Variants in LIPJ observed in about 807,000 individuals in gnomAD.
LIPJ encodes lipase member J.
LIPJ carries 33 observed loss-of-function variants against 39.8 expected under a neutral mutation model. The ratio of observed to expected loss-of-function variants is 0.83; its 90% CI spans 0.63 to 1.11. LIPJ has a LOEUF of 1.11. LIPJ is among the 50% of genes least tolerant of loss of function. The pLI, the probability that LIPJ is intolerant of heterozygous loss-of-function variation, is 0.00. For synonymous variants in LIPJ, 128 were observed against 139.2 expected, an observed-to-expected ratio of 0.92 and a Z score of 0.57; for missense variants, 422 against 427.9, an observed-to-expected ratio of 0.99 and a Z score of 0.12.
At chr10:88,596,731 C>A in intron 7 of LIPJ, 59 bp from the exon 8 acceptor site, 1 of 1,368,904 alleles carries the variant, frequency 7.3e-7, no homozygotes, top group Non-Finnish European at 1.0e-6. Context: ...ATTACCACAA[C>A]ATTTCTTTAG....
At chr10:88,598,769 T>C (rs1047644082) in intron 8 of LIPJ, among the ~76,000 whole-genome samples, 2 of 151,762 alleles carry the variant, frequency 1.3e-5, no homozygotes, top group Admixed American at 1.3e-4. Flanking sequence ...TAAACAGTAG[T>C]GACCCATGAT....
Position 88,591,428 on chromosome 10 carries a change from A to T in LIPJ, c.60A>T (p.Val20=), listed in dbSNP as rs759343258. 65 of 1,602,852 alleles carry T rather than the reference A, an allele frequency of 4.1e-5. No individual in the cohort carries two copies. The Admixed American group carries it at 9.9e-4, about 24-fold the overall frequency. Residue 20 remains valine (V), a synonymous_variant, in exon 4 of 11, where the codon GTA becomes GTT. Coordinates refer to ENST00000371939, the Ensembl canonical transcript of LIPJ. Reference sequence around the variant, plus strand: ...ACCCTGATGAAGAATATGATATTGTAACCGAAGATGGTTATATCCTTGGCC... The same window carrying T: ...ACCCTGATGAAGAATATGATATTGTTACCGAAGATGGTTATATCCTTGGCC...
chr10:88,596,341 A>G, exon 7 of LIPJ: 1 of 1,559,580 alleles, frequency 6.4e-7, no homozygotes, highest in East Asian at 2.3e-5. Flanking sequence ...TTTTTGCTTT[A>G]GCACCAGTTT....
chr10:88,622,500 T>A, the LIPJ span, among the ~76,000 whole-genome samples: 1 of 152,184 alleles, frequency 6.6e-6, no homozygotes, highest in Non-Finnish European at 1.5e-5. Flanking sequence ...CCAGGCTCCA[T>A]CCCCAAAATA....
intron 2 of LIPJ, among the ~76,000 whole-genome samples, chr10:88,589,559 G>C (rs1201745443): frequency 6.6e-6 from 1 of 151,692 alleles, no homozygotes; most frequent in East Asian, 1.9e-4. Context: ...CAGTTAGAAA[G>C]TGTTTTTTTA....
Position 88,596,920 on chromosome 10 carries a change from CA to C in LIPJ, c.713del (p.Asn238ThrfsTer2). 2.6e-6 allele frequency: 4 copies of C among 1,529,328 alleles called. No individual in the cohort carries two copies. Among genetic ancestry groups the C allele is most frequent in the Non-Finnish European group, 3.6e-6 (4 of 1,122,308 alleles). 94.7% of individuals were successfully genotyped at this position (1,529,328 alleles called of 1,614,324 possible). A position where few individuals can be genotyped will look rare whatever the true frequency, so the allele number is the denominator to read the frequency against. On this transcript the variant is annotated frameshift_variant, in exon 8 of 11. Transcript: ENST00000371939. LOFTEE classifies it high-confidence loss of function. The stretch of plus-strand genomic sequence containing the variant: ...TTGTTTATGATGTTTGGATATGACC[CA>C]AAAAACTTAAATATGGTAAGAACAA...
At chr10:88,594,298 A>C in intron 5 of LIPJ, 154 bp downstream of exon 5, 1 of 617,458 alleles carries the variant, frequency 1.6e-6, no homozygotes, top group South Asian at 2.2e-5. Flanking sequence ...TGAAAATTAA[A>C]GAGTACTTGT....
At chr10:88,602,315 T>C (rs1387944623) in intron 8 of LIPJ, among the ~76,000 whole-genome samples, 2 of 152,132 alleles carry the variant, frequency 1.3e-5, no homozygotes, top group African/African-American at 4.8e-5. Context: ...TAGGTGTGTG[T>C]CAGTCACATT....
chr10:88,584,973 G>C (rs1202042848), upstream of LIPJ, among the ~76,000 whole-genome samples: 1 of 152,170 alleles, frequency 6.6e-6, no homozygotes, highest in Non-Finnish European at 1.5e-5. Flanking sequence ...ATTTAAAGCA[G>C]ACATTTATCT....
At chr10:88,583,252 C>T, upstream of LIPJ, 4 of 1,596,456 alleles carry the variant, frequency 2.5e-6, no homozygotes, top group Non-Finnish European at 2.6e-6. Context: ...CCCGGGCTTT[C>T]TGGAAAGGCG....
chr10:88,587,696 G>C (rs185501513), intron 2 of LIPJ, among the ~76,000 whole-genome samples: 11 of 152,098 alleles, frequency 7.2e-5, no homozygotes, highest in African/African-American at 2.6e-4. Context: ...ATGAAAGTTT[G>C]CCTCTTAGCA....
chr10:88,590,949 CCTT>C lies in LIPJ; in HGVS notation c.9+256_9+258del, dbSNP rs113315501. 1.1e-3 allele frequency among the ~76,000 whole-genome samples: 171 copies of C among 151,676 alleles called. 1 individual carries two copies. The highest frequency in any genetic ancestry group is 3.5e-3 in the African/African-American group (144 of 41,436). Reference sequence around the variant, plus strand: ...TATATGAAGGTATGAATATATATCTCCTTCTCTTCTACATATTTATAAATATAC... The same window carrying C: ...TATATGAAGGTATGAATATATATCTCCTCTTCTACATATTTATAAATATAC... On this transcript the variant is annotated intron_variant, in intron 3 of 10. Transcript: ENST00000371939.
At chr10:88,594,614 C>A in intron 5 of LIPJ, 53 bp from the exon 6 acceptor site, 1 of 839,566 alleles carries the variant, frequency 1.2e-6, no homozygotes, top group Non-Finnish European at 1.8e-6. Flanking sequence ...TTTTCAAATA[C>A]TAACATAACA....
chr10:88,604,959 G>A (rs1851612893), intron 9 of LIPJ, among the ~76,000 whole-genome samples: 1 of 152,150 alleles, frequency 6.6e-6, no homozygotes, highest in South Asian at 2.1e-4. Context: ...AACAGGTCAG[G>A]TGGCAGAAAC....
In LIPJ at chr10:88,596,811, T is replaced by G. The variant is rs77091298; in HGVS notation, c.598T>G (p.Phe200Val). Residue 200 changes from phenylalanine (F) to valine (V), a missense_variant, in exon 8 of 11, where the codon TTC becomes GTC. Phe to Val is a conservative substitution (Grantham distance 50, BLOSUM62 -1). Transcript: ENST00000371939. ...ACAGGCTTTTTCAGGCAACAAAGAC[T>G]TCTTGCCTAAAACCTCATTTAAAAA... 3,484 of 1,602,186 alleles carry G rather than the reference T, an allele frequency of 2.2e-3. 14 individuals are homozygous for G. The highest frequency in any genetic ancestry group is 5.5e-3 in the African/African-American group (404 of 74,116).
exon 9 of LIPJ, chr10:88,602,633 C>A: frequency 6.9e-7 from 1 of 1,451,534 alleles, no homozygotes; most frequent in Non-Finnish European, 9.3e-7. Context: ...TCAAAATATG[C>A]TTCATTGGAG....
At chr10:88,584,471 A>C (rs1202812940), upstream of LIPJ, 2 of 152,266 alleles carry the variant, frequency 1.3e-5, no homozygotes, top group Non-Finnish European at 2.9e-5. Context: ...ACAAAAGCCA[A>C]AAGGAAAATG....
Position 88,594,783 on chromosome 10 carries a change from C to G in LIPJ, c.439+7C>G. The G allele has an allele frequency of 7.8e-7, 1 of 1,281,394 alleles. No individual in the cohort carries two copies. The highest frequency in any genetic ancestry group is 1.1e-6 in the Non-Finnish European group (1 of 928,794). 79.4% of individuals were successfully genotyped at this position (1,281,394 alleles called of 1,614,324 possible). ...TCACAGGGTACTACTATTGGTATGC[C>G]AAGAAAGATTATTGCTAATATCCCT... On this transcript the variant is annotated splice_region_variant and intron_variant, in intron 6 of 10. Coordinates refer to ENST00000371939, the Ensembl canonical transcript of LIPJ.
chr10:88,618,354 G>T, the LIPJ span: 71 of 152,410 alleles, frequency 4.7e-4, no homozygotes, highest in African/African-American at 1.5e-3. Context: ...TTGCTTCTTT[G>T]AAGTATTTTC....
Sources: gnomAD v4.1 joint callset for allele counts (sites outside exome capture counted in the v4.1 genomes callset) on GRCh38, gnomAD v4.1.1 for gene constraint, MANE v1.5 for transcripts, NCBI Gene and HGNC (gene_info 2026-07-23, HGNC 2026-07-21) for gene names.